The following MOXD1 variants were observed in gnomAD, a reference collection of about 807,000 sequenced individuals.
The protein encoded by MOXD1 is DBH-like monooxygenase protein 1.
MOXD1 carries 62 observed loss-of-function variants against 66.6 expected under a neutral mutation model. That is an observed-to-expected ratio of 0.93 (90% confidence interval 0.76 to 1.15). The LOEUF (loss-of-function observed/expected upper bound fraction) is 1.15. MOXD1 is among the 50% of genes most tolerant of loss of function. MOXD1 has a pLI of 0.00. For synonymous variants in MOXD1, 303 were observed against 281.9 expected (o/e 1.07, Z -0.75); for missense variants, 847 against 754.6 (o/e 1.12, Z -1.44).
intron 4 of MOXD1, among the ~76,000 whole-genome samples, chr6:132,336,181 T>C (rs2114599040): frequency 6.6e-6 from 1 of 152,292 alleles, no homozygotes; most frequent in Non-Finnish European, 1.5e-5. Flanking sequence ...AGAGAGGCGA[T>C]GGGTGTAATC....
chr6:132,364,626 A>G (rs1288893825), intron 4 of MOXD1, among the ~76,000 whole-genome samples: 1 of 152,152 alleles, frequency 6.6e-6, no homozygotes, highest in Non-Finnish European at 1.5e-5. Context: ...AGTCTTGCTC[A>G]CCCTGGCACT....
At chr6:132,393,708 C>T (rs112928366) in intron 1 of MOXD1, among the ~76,000 whole-genome samples, 1,665 of 152,286 alleles carry the variant, frequency 0.011, 14 homozygotes, top group Non-Finnish European at 0.017. Flanking sequence ...GAAAGCCCCG[C>T]CCCTGCCAGA....
chr6:132,315,639 C>T lies in MOXD1; in HGVS notation c.1504G>A (p.Val502Ile). The change falls in exon 10 of 12, where the codon GTC (valine) becomes ATC (isoleucine). Residue 502 changes from valine to isoleucine, a missense_variant. Physicochemically the swap from Val to Ile is conservative, Grantham distance 29. Transcript: ENST00000367963. ...FIGVKEIYRPVTTWPFIIKSP... is the reference protein window; with the variant it reads ...FIGVKEIYRPITTWPFIIKSP... The stretch of plus-strand genomic sequence containing the variant: ...TAAAATACATTTACTACTTACGTGA[C>T]TGGTCTGTAGATCTCCTTAACCCCA... The T allele has an allele frequency of 6.2e-7, 1 of 1,608,268 alleles. No individual in the cohort carries two copies. The highest frequency in any genetic ancestry group is 8.5e-7 in the Non-Finnish European group (1 of 1,178,254).
chr6:132,339,777 C>T (rs1252687900), intron 4 of MOXD1, among the ~76,000 whole-genome samples: 1 of 151,950 alleles, frequency 6.6e-6, no homozygotes, highest in Non-Finnish European at 1.5e-5. Flanking sequence ...CATCAGAAGT[C>T]TGTGCTGCCA....
intron 4 of MOXD1, among the ~76,000 whole-genome samples, chr6:132,364,505 G>A (rs1776076207): frequency 1.3e-5 from 2 of 152,258 alleles, no homozygotes; most frequent in East Asian, 1.9e-4. Context: ...TGCAAGCTAT[G>A]AGCATTTAGT....
chr6:132,343,084 G>A (rs1390470302), intron 4 of MOXD1, among the ~76,000 whole-genome samples: 2 of 152,152 alleles, frequency 1.3e-5, no homozygotes, highest in East Asian at 3.8e-4. Context: ...CTATCCTGGG[G>A]AAGTAAAGAT....
intron 6 of MOXD1, among the ~76,000 whole-genome samples, chr6:132,327,377 T>G (rs956579513): frequency 6.6e-6 from 1 of 152,212 alleles, no homozygotes; most frequent in Non-Finnish European, 1.5e-5. Context: ...ATCTGGCACA[T>G]AGTTGGAGCT....
chr6:132,399,236 G>A (rs1407800987), intron 1 of MOXD1, among the ~76,000 whole-genome samples: 1 of 152,112 alleles, frequency 6.6e-6, no homozygotes, highest in Non-Finnish European at 1.5e-5. Context: ...TGAGTAGAAT[G>A]TTTATGGAAA....
chr6:132,383,132 A>T (rs1182331860), intron 1 of MOXD1, among the ~76,000 whole-genome samples: 1 of 152,188 alleles, frequency 6.6e-6, no homozygotes, highest in Non-Finnish European at 1.5e-5. Flanking sequence ...TAAATCTCAA[A>T]AGCCTCGTTA....
chr6:132,336,648 T>A (rs1775445213), intron 4 of MOXD1, among the ~76,000 whole-genome samples: 1 of 152,020 alleles, frequency 6.6e-6, no homozygotes, highest in South Asian at 2.1e-4. Flanking sequence ...TGATGTGGTG[T>A]CAAGGGGCCA....
chr6:132,305,843 A>G (rs1185388820), intron 10 of MOXD1, among the ~76,000 whole-genome samples: 1 of 152,196 alleles, frequency 6.6e-6, no homozygotes, highest in African/African-American at 2.4e-5. Flanking sequence ...AGCACTCACA[A>G]AAACCCCATC....
chr6:132,397,636 CAGAAAG>C (rs1776918184), intron 1 of MOXD1, among the ~76,000 whole-genome samples: 1 of 122,312 alleles, frequency 8.2e-6, no homozygotes, highest in Non-Finnish European at 1.7e-5. Flanking sequence ...GAGAGAGAGA[CAGAAAG>C]AAAGAAAGAA....
intron 2 of MOXD1, 28 bp from the exon 3 acceptor site, chr6:132,373,025 G>A (rs1230055865): frequency 1.3e-6 from 2 of 1,581,120 alleles, no homozygotes; most frequent in Non-Finnish European, 1.7e-6. Flanking sequence ...GCATGATTAG[G>A]TCTCATGAGA....
chr6:132,307,857 C>A (rs1052590292), intron 10 of MOXD1, among the ~76,000 whole-genome samples: 1 of 152,088 alleles, frequency 6.6e-6, no homozygotes, highest in Non-Finnish European at 1.5e-5. Flanking sequence ...CTCTGGGACA[C>A]AGCTAAAGCA....
At chr6:132,369,648 T>G (rs1776224580) in intron 4 of MOXD1, among the ~76,000 whole-genome samples, 1 of 152,060 alleles carries the variant, frequency 6.6e-6, no homozygotes, top group Non-Finnish European at 1.5e-5. Flanking sequence ...CATGACAATC[T>G]GATAACTGCA....
chr6:132,381,011 T>A (rs778045040), intron 1 of MOXD1, among the ~76,000 whole-genome samples: 26 of 152,112 alleles, frequency 1.7e-4, no homozygotes, highest in Non-Finnish European at 3.1e-4. Context: ...AAGGAGATAA[T>A]CCCCTACCTA....
Position 132,306,944 on chromosome 6 carries a change from A to G in MOXD1, c.1508+8691T>C, listed in dbSNP as rs9399018. Among the ~76,000 whole-genome samples the G allele has an allele frequency of 0.025, 3,751 of 152,318 alleles. 345 individuals are homozygous for G. In the East Asian group the frequency reaches 0.33, roughly 13 times the overall value. ...TAAAGACCAATGACACTATGAAGAA[A>G]CTGCATCAACTAGTGTGCAAAATCA... On this transcript the variant is annotated intron_variant, in intron 10 of 11. Coordinates refer to ENST00000367963, the MANE Select transcript of MOXD1 (RefSeq NM_015529.4).
chr6:132,398,058 C>G (rs1271391399), intron 1 of MOXD1, among the ~76,000 whole-genome samples: 3 of 152,184 alleles, frequency 2.0e-5, no homozygotes, highest in African/African-American at 7.2e-5. Context: ...CACTCCTTCA[C>G]CCTTTTGAGT....
At chr6:132,305,882 C>T (rs1335349249) in intron 10 of MOXD1, among the ~76,000 whole-genome samples, 1 of 152,152 alleles carries the variant, frequency 6.6e-6, no homozygotes, top group Non-Finnish European at 1.5e-5. Flanking sequence ...AATACCAAAA[C>T]TGGACAAACT....
Sources: gnomAD v4.1 joint callset for allele counts (sites outside exome capture counted in the v4.1 genomes callset) on GRCh38, gnomAD v4.1.1 for gene constraint, MANE v1.5 for transcripts, NCBI Gene and HGNC (gene_info 2026-07-23, HGNC 2026-07-21) for gene names.